NOVA1: variants seen among roughly 807,000 people sequenced by gnomAD.
The protein encoded by NOVA1 is NOVA alternative splicing regulator 1.
In NOVA1, 7 loss-of-function variants were observed where a neutral mutation model predicts 38.0. The ratio of observed to expected loss-of-function variants is 0.18; its 90% confidence interval spans 0.10 to 0.35. The LOEUF is 0.35. Among genes scored for constraint, NOVA1 ranks in the 10% least tolerant of loss-of-function variants. The pLI is 1.00. For missense variants in NOVA1, 460 were observed against 616.0 expected, an observed-to-expected ratio of 0.75 and a Z score of 2.68; for synonymous variants, 270 against 232.5, an observed-to-expected ratio of 1.16 and a Z score of -1.47.
chr14:26,574,466 TA>T (rs1167069375), intron 2 of NOVA1, among the ~76,000 whole-genome samples: 2 of 152,136 alleles, frequency 1.3e-5, no homozygotes, highest in African/African-American at 4.8e-5. Flanking sequence ...ATACTTAATT[TA>T]AAATAACTTA....
rs746081105 is a variant in NOVA1, at chr14:26,448,791, C to T, written c.692G>A (p.Arg231Gln). 10 of 1,613,986 alleles carry T rather than the reference C, an allele frequency of 6.2e-6. No homozygotes were observed. The East Asian group carries it at 6.7e-5, about 11-fold the overall frequency. The change falls in exon 5 of 5, where the codon CGA (arginine) becomes CAA (glutamine). Residue 231 changes from arginine (R) to glutamine (Q), a missense_variant. Transcript: ENST00000539517. This position sits in a 1 kb window ranked among gnomAD's most constrained non-coding sequence, Gnocchi z 5.3. ...VTVSGEPEQNRKAVELIIQKI... is the reference protein window; with the variant it reads ...VTVSGEPEQNQKAVELIIQKI... ...CTGGATGATAAGTTCAACAGCTTTTCGGTTTTGTTCAGGTTCTCCACTCAC... is the reference window on the plus strand; with the variant it reads ...CTGGATGATAAGTTCAACAGCTTTTTGGTTTTGTTCAGGTTCTCCACTCAC...
intron 2 of NOVA1, among the ~76,000 whole-genome samples, chr14:26,572,286 A>G (rs1273612994): frequency 1.3e-5 from 2 of 152,188 alleles, no homozygotes; most frequent in Non-Finnish European, 2.9e-5. Context: ...GAATAAACAG[A>G]GAATAGAAAA....
intron 2 of NOVA1, among the ~76,000 whole-genome samples, chr14:26,536,932 A>T (rs1298294800): frequency 6.6e-6 from 1 of 152,124 alleles, no homozygotes; most frequent in Non-Finnish European, 1.5e-5. Flanking sequence ...TAGGAGAGTA[A>T]ACTGATTTAA....
chr14:26,592,250 A>T (rs1457600205), intron 2 of NOVA1, among the ~76,000 whole-genome samples: 1 of 151,548 alleles, frequency 6.6e-6, no homozygotes, highest in African/African-American at 2.4e-5. Flanking sequence ...CAAATAAAAG[A>T]ATAAAAATAA....
chr14:26,539,643 T>G (rs1890329544), intron 2 of NOVA1, among the ~76,000 whole-genome samples: 1 of 152,094 alleles, frequency 6.6e-6, no homozygotes, highest in Non-Finnish European at 1.5e-5. Context: ...CAGGATTATA[T>G]TAATCAAAGC....
chr14:26,454,140 T>C (rs936692090), intron 4 of NOVA1, among the ~76,000 whole-genome samples: 5 of 151,970 alleles, frequency 3.3e-5, no homozygotes, highest in Non-Finnish European at 7.4e-5. Flanking sequence ...ACACTAATGA[T>C]AGCTGAAGAA....
At chr14:26,451,437 G>A (rs1331051875) in intron 4 of NOVA1, among the ~76,000 whole-genome samples, 1 of 151,968 alleles carries the variant, frequency 6.6e-6, no homozygotes, top group African/African-American at 2.4e-5. Context: ...GTGCAATCTC[G>A]ACTCACTGCA....
chr14:26,473,834 G>A (rs997471742), intron 3 of NOVA1, among the ~76,000 whole-genome samples: 31 of 151,936 alleles, frequency 2.0e-4, no homozygotes, highest in African/African-American at 7.2e-4. Context: ...AAAGGGGTAG[G>A]ACAGCTATAG....
intron 2 of NOVA1, among the ~76,000 whole-genome samples, chr14:26,509,950 G>T (rs1466862226): frequency 6.6e-6 from 1 of 152,180 alleles, no homozygotes; most frequent in African/African-American, 2.4e-5. Context: ...AAAGTGTCGG[G>T]ATTATAGGCA....
At chr14:26,578,634 T>C (rs558848930) in intron 2 of NOVA1, among the ~76,000 whole-genome samples, 8 of 152,162 alleles carry the variant, frequency 5.3e-5, no homozygotes, top group Non-Finnish European at 7.4e-5. Context: ...CTCAGTGAAA[T>C]AGAAAATAAG....
At chr14:26,572,335 A>G (rs1448890274) in intron 2 of NOVA1, among the ~76,000 whole-genome samples, 1 of 152,238 alleles carries the variant, frequency 6.6e-6, no homozygotes, top group East Asian at 1.9e-4. Context: ...TCCAGTTTGG[A>G]TAACTTGAAA....
At chr14:26,463,240 G>A (rs1883842538) in intron 4 of NOVA1, among the ~76,000 whole-genome samples, 1 of 152,102 alleles carries the variant, frequency 6.6e-6, no homozygotes, top group Non-Finnish European at 1.5e-5. Flanking sequence ...AAGTTTTACA[G>A]GATAGATCTC....
At chr14:26,591,829 G>C (rs926443421) in intron 2 of NOVA1, among the ~76,000 whole-genome samples, 1 of 150,702 alleles carries the variant, frequency 6.6e-6, no homozygotes, top group African/African-American at 2.4e-5. Context: ...TTTTAAAAAA[G>C]CACCACCCAA....
At chr14:26,491,628 A>G (rs1886357514) in intron 2 of NOVA1, among the ~76,000 whole-genome samples, 1 of 152,138 alleles carries the variant, frequency 6.6e-6, no homozygotes, top group African/African-American at 2.4e-5. Context: ...ATATTTTAAT[A>G]TGATATGAGG....
chr14:26,536,014 T>C (rs1029787922), intron 2 of NOVA1, among the ~76,000 whole-genome samples: 1 of 150,658 alleles, frequency 6.6e-6, no homozygotes, highest in Non-Finnish European at 1.5e-5. Context: ...ATATACACAA[T>C]GGAGTATTTA....
intron 2 of NOVA1, among the ~76,000 whole-genome samples, chr14:26,573,122 G>C (rs942478433): frequency 6.6e-6 from 1 of 152,078 alleles, no homozygotes; most frequent in Admixed American, 6.5e-5. Flanking sequence ...AAAAATGTCT[G>C]AGATAGTACA....
intron 2 of NOVA1, among the ~76,000 whole-genome samples, chr14:26,547,270 G>C (rs1178068898): frequency 1.3e-5 from 2 of 151,978 alleles, no homozygotes; most frequent in Non-Finnish European, 2.9e-5. Flanking sequence ...ATCACCAATA[G>C]AGATAAGAGG....
intron 2 of NOVA1, among the ~76,000 whole-genome samples, chr14:26,561,211 C>T (rs901704087): frequency 2.6e-5 from 4 of 152,184 alleles, no homozygotes; most frequent in Admixed American, 2.0e-4. Context: ...CAGTTCTTAG[C>T]AGGCCACAGA....
chr14:26,492,118 T>C (rs1886392963), intron 2 of NOVA1, among the ~76,000 whole-genome samples: 3 of 152,212 alleles, frequency 2.0e-5, no homozygotes, highest in African/African-American at 4.8e-5. Flanking sequence ...TTAAATTTAT[T>C]TGCAGGCATT....
Sources: gnomAD v4.1 joint callset for allele counts (sites outside exome capture counted in the v4.1 genomes callset) on GRCh38, gnomAD v4.1.1 for gene constraint, Gnocchi (gnomAD v3.1) non-coding constraint, MANE v1.5 for transcripts, NCBI Gene and HGNC (gene_info 2026-07-23, HGNC 2026-07-21) for gene names.